The following CMSS1 variants were observed in gnomAD, a reference collection of about 807,000 sequenced individuals.
CMSS1 encodes cms1 ribosomal small subunit homolog, also known as protein CMSS1.
Under a neutral mutation model 43.5 loss-of-function variants are expected in CMSS1, and 33 were observed. The observed-to-expected ratio is 0.76, with a 90% confidence interval of 0.57 to 1.01. CMSS1 has a LOEUF of 1.01. Among genes scored for constraint, CMSS1 ranks in the 50% least tolerant of loss-of-function variants. The pLI is 0.00. For synonymous variants in CMSS1, 115 were observed against 117.2 expected (o/e 0.98, Z 0.12); for missense variants, 313 against 326.4 (o/e 0.96, Z 0.32).
chr3:100,026,246 C>A (rs2064918775), intron 1 of CMSS1, among the ~76,000 whole-genome samples: 1 of 152,010 alleles, frequency 6.6e-6, no homozygotes, highest in Non-Finnish European at 1.5e-5. Context: ...TTCGTTTAGT[C>A]AAAATTGTGG....
intron 1 of CMSS1, among the ~76,000 whole-genome samples, chr3:99,878,248 A>G (rs1424151603): frequency 6.6e-6 from 1 of 152,134 alleles, no homozygotes; most frequent in Admixed American, 6.6e-5. Flanking sequence ...AATAGCCCTC[A>G]TTTGTTGAGC....
intron 2 of CMSS1, among the ~76,000 whole-genome samples, chr3:100,147,963 T>C (rs1486779113): frequency 6.6e-6 from 1 of 152,246 alleles, no homozygotes; most frequent in Non-Finnish European, 1.5e-5. Flanking sequence ...TCATTGGGTT[T>C]CCATCAAACC....
At chr3:99,823,594 C>T (rs568111615) in intron 1 of CMSS1, among the ~76,000 whole-genome samples, 3 of 152,306 alleles carry the variant, frequency 2.0e-5, no homozygotes. Context: ...TTCATCCTTA[C>T]TGCCATAAGC....
chr3:100,006,903 G>T (rs757437667), intron 1 of CMSS1, among the ~76,000 whole-genome samples: 1 of 152,166 alleles, frequency 6.6e-6, no homozygotes, highest in Non-Finnish European at 1.5e-5. Context: ...TCTCTAATAT[G>T]CATTGAGAAG....
At chr3:99,865,973 G>C (rs537106563) in intron 1 of CMSS1, among the ~76,000 whole-genome samples, 1 of 151,818 alleles carries the variant, frequency 6.6e-6, no homozygotes, top group African/African-American at 2.4e-5. Context: ...TCTCTTCCCA[G>C]GTCACAGGTT....
chr3:100,049,868 A>C (rs2065340259), intron 1 of CMSS1, among the ~76,000 whole-genome samples: 1 of 152,222 alleles, frequency 6.6e-6, no homozygotes, highest in African/African-American at 2.4e-5. Flanking sequence ...TTTATCAATA[A>C]GGCTTCTGGT....
chr3:99,981,967 A>G (rs1709137841), intron 1 of CMSS1, among the ~76,000 whole-genome samples: 1 of 151,978 alleles, frequency 6.6e-6, no homozygotes, highest in Admixed American at 6.6e-5. Context: ...CTCTACAAAA[A>G]ATTAAACAAC....
Position 99,901,984 on chromosome 3 carries a change from GTT to G in CMSS1, c.64+83947_64+83948del, listed in dbSNP as rs542857966. Among the ~76,000 whole-genome samples the G allele has an allele frequency of 1.6e-4, 25 of 152,106 alleles. No individual in the cohort carries two copies. The South Asian group carries it at 5.2e-3, about 32-fold the overall frequency. ...CAATAAACAAAACAAAACACAGAGT[GTT>G]TTTTTCATTAATTTCCTATAATCTG... On this transcript the variant is annotated intron_variant, in intron 1 of 9. Transcript: ENST00000421999.
intron 1 of CMSS1, chr3:99,929,999 C>T (rs781509756): frequency 1.9e-6 from 3 of 1,613,308 alleles, no homozygotes; most frequent in African/African-American, 2.7e-5. Context: ...ATTTTTTCAG[C>T]CTTTAAAATG....
chr3:100,068,614 G>A (rs1454033691), intron 1 of CMSS1, among the ~76,000 whole-genome samples: 2 of 152,084 alleles, frequency 1.3e-5, no homozygotes, highest in African/African-American at 2.4e-5. Context: ...GAAAAATTCT[G>A]AAACAATAGT....
intron 1 of CMSS1, among the ~76,000 whole-genome samples, chr3:100,083,883 C>A (rs927705816): frequency 1.3e-5 from 2 of 151,966 alleles, no homozygotes; most frequent in African/African-American, 4.8e-5. Context: ...GTGATTCTTG[C>A]CATTGGAAGT....
intron 1 of CMSS1, among the ~76,000 whole-genome samples, chr3:99,869,789 A>G (rs1189889767): frequency 1.3e-5 from 2 of 152,250 alleles, no homozygotes; most frequent in East Asian, 3.8e-4. Context: ...CATTTTAAAA[A>G]GAAAGAGAAA....
chr3:99,898,773 A>G (rs1706343345), intron 1 of CMSS1: 1 of 152,290 alleles, frequency 6.6e-6, no homozygotes, highest in African/African-American at 2.4e-5. Context: ...CTAAAAAAAA[A>G]AAAAAAAAAA....
intron 1 of CMSS1, among the ~76,000 whole-genome samples, chr3:99,917,000 G>T (rs1170179559): frequency 6.6e-6 from 1 of 152,132 alleles, no homozygotes; most frequent in Non-Finnish European, 1.5e-5. Context: ...TTTCTATTTT[G>T]ATATGGTTTA....
At chr3:100,124,174 G>A (rs1175864887) in intron 1 of CMSS1, among the ~76,000 whole-genome samples, 4 of 152,174 alleles carry the variant, frequency 2.6e-5, no homozygotes, top group African/African-American at 9.7e-5. Flanking sequence ...GTTTAATGTG[G>A]CTGAAAACAT....
rs375696293 is a variant in CMSS1, at chr3:100,071,136, T to C, written c.65-75837T>C. The stretch of plus-strand genomic sequence containing the variant: ...TGGATGGATTAGCATTTCCAAACTT[T>C]CTTTTTAAGTTCTTATAATTACCCC... On this transcript the variant is annotated intron_variant, in intron 1 of 9. Coordinates refer to ENST00000421999, the MANE Select transcript of CMSS1 (RefSeq NM_032359.4). 4.8e-5 allele frequency among the ~76,000 whole-genome samples: 7 copies of C among 146,668 alleles called. No homozygotes were observed. In the East Asian group the frequency reaches 1.4e-3, roughly 30 times the overall value.
intron 1 of CMSS1, chr3:99,848,066 C>G: frequency 1.5e-6 from 2 of 1,295,510 alleles, no homozygotes; most frequent in Non-Finnish European, 2.0e-6. Flanking sequence ...ATTTTCCATA[C>G]AAGTATGTAA....
At chr3:100,046,180 A>G (rs566957170) in intron 1 of CMSS1, among the ~76,000 whole-genome samples, 1 of 152,232 alleles carries the variant, frequency 6.6e-6, no homozygotes, top group East Asian at 1.9e-4. Flanking sequence ...GGCACTGATA[A>G]CTCTATGAAT....
intron 1 of CMSS1, chr3:99,848,456 C>T (rs747046056): frequency 1.9e-6 from 3 of 1,614,046 alleles, no homozygotes; most frequent in Non-Finnish European, 2.5e-6. Flanking sequence ...GGGCTGGCTA[C>T]AGCTTGCATG....
Sources: gnomAD v4.1 joint callset for allele counts (sites outside exome capture counted in the v4.1 genomes callset) on GRCh38, gnomAD v4.1.1 for gene constraint, MANE v1.5 for transcripts, NCBI Gene and HGNC (gene_info 2026-07-23, HGNC 2026-07-21) for gene names.